SPOCK1: variants seen among roughly 807,000 people sequenced by gnomAD.
SPOCK1 encodes SPARC (osteonectin), cwcv and kazal like domains proteoglycan 1, also known as testican-1.
Under a neutral mutation model 55.3 loss-of-function variants are expected in SPOCK1, and 23 were observed. That is an observed-to-expected ratio of 0.42 (90% CI 0.30 to 0.59). The LOEUF (loss-of-function observed/expected upper bound fraction) is 0.59, where lower values mean the gene tolerates loss of function less well. Ranked by LOEUF, SPOCK1 falls within the 20% of genes least tolerant of loss-of-function variation. The pLI is 0.22. For missense variants in SPOCK1, 499 were observed against 552.5 expected (o/e 0.90, Z 0.97); for synonymous variants, 226 against 221.0 (o/e 1.02, Z -0.20).
At chr5:137,260,077 C>T (rs548427196) in intron 3 of SPOCK1, among the ~76,000 whole-genome samples, 4 of 152,318 alleles carry the variant, frequency 2.6e-5, no homozygotes, top group African/African-American at 9.6e-5. Context: ...CCAAGGACTT[C>T]AGCAACTATC....
chr5:137,053,296 A>C (rs1432644440), intron 6 of SPOCK1, among the ~76,000 whole-genome samples: 2 of 152,060 alleles, frequency 1.3e-5, no homozygotes, highest in Non-Finnish European at 2.9e-5. Context: ...CAATAAGGAA[A>C]GCCACCCAGA....
intron 5 of SPOCK1, among the ~76,000 whole-genome samples, chr5:137,070,262 A>G (rs1374502942): frequency 6.6e-6 from 1 of 152,246 alleles, no homozygotes; most frequent in Non-Finnish European, 1.5e-5. Context: ...GCCACAGCTA[A>G]CGCACAATGT....
intron 2 of SPOCK1, among the ~76,000 whole-genome samples, chr5:137,401,237 A>G (rs1214968610): frequency 1.3e-5 from 2 of 152,362 alleles, no homozygotes; most frequent in South Asian, 2.1e-4. Flanking sequence ...TAAGGAGTTT[A>G]TCTTTCCATC....
intron 3 of SPOCK1, among the ~76,000 whole-genome samples, chr5:137,223,097 A>G (rs1438792598): frequency 6.6e-6 from 1 of 152,152 alleles, no homozygotes; most frequent in Non-Finnish European, 1.5e-5. Flanking sequence ...ATAAACAAGT[A>G]TCCATGCTAT....
chr5:137,442,832 G>A (rs995212787), intron 2 of SPOCK1, among the ~76,000 whole-genome samples: 2 of 152,200 alleles, frequency 1.3e-5, no homozygotes, highest in Non-Finnish European at 2.9e-5. Flanking sequence ...AATTCACGGT[G>A]CAATTAAATT....
Position 137,238,330 on chromosome 5 carries a change from C to G in SPOCK1, c.232+28680G>C, listed in dbSNP as rs139607903. ...GCTGAAATTTGCACTCACATACACACTGCAGTCCTTGAAACCACTTGTTCC... is the reference window on the plus strand; with the variant it reads ...GCTGAAATTTGCACTCACATACACAGTGCAGTCCTTGAAACCACTTGTTCC... On this transcript the variant is annotated intron_variant, in intron 3 of 10. Coordinates refer to ENST00000394945, the MANE Select transcript of SPOCK1 (RefSeq NM_004598.4). 3.1e-3 allele frequency among the ~76,000 whole-genome samples: 476 copies of G among 152,360 alleles called. 5 individuals carry two copies. The highest frequency in any genetic ancestry group is 0.01 in the African/African-American group (436 of 41,584).
intron 6 of SPOCK1, among the ~76,000 whole-genome samples, chr5:137,026,141 A>G (rs1188380417): frequency 6.6e-6 from 1 of 152,258 alleles, no homozygotes; most frequent in Non-Finnish European, 1.5e-5. Flanking sequence ...TAGAGAAAGA[A>G]CCAGACAAAT....
At chr5:137,417,086 T>C (rs890607166) in intron 2 of SPOCK1, among the ~76,000 whole-genome samples, 4 of 152,162 alleles carry the variant, frequency 2.6e-5, no homozygotes, top group Admixed American at 1.3e-4. Context: ...TGAATGTTTA[T>C]ATGCACATGT....
In SPOCK1 at chr5:137,137,108, G is replaced by A. The variant is rs148930093; in HGVS notation, c.347+3472C>T. 2.4e-4 allele frequency among the ~76,000 whole-genome samples: 37 copies of A among 152,270 alleles called. No individual in the cohort carries two copies. The East Asian group carries it at 6.4e-3, about 26-fold the overall frequency. On this transcript the variant is annotated intron_variant, in intron 4 of 10. Coordinates refer to ENST00000394945, the MANE Select transcript of SPOCK1 (RefSeq NM_004598.4). ...AAGCTAATGAAATTCTCTCACTGAC[G>A]TGCTCACTGTCCTTCTGTCTTGATC...
At chr5:137,465,556 C>G (rs1753601770) in intron 2 of SPOCK1, among the ~76,000 whole-genome samples, 1 of 151,952 alleles carries the variant, frequency 6.6e-6, no homozygotes, top group Non-Finnish European at 1.5e-5. Context: ...ACTAGATACA[C>G]AGGCACATCT....
At chr5:137,203,710 C>T (rs565488053) in intron 3 of SPOCK1, among the ~76,000 whole-genome samples, 2 of 152,244 alleles carry the variant, frequency 1.3e-5, no homozygotes, top group South Asian at 4.2e-4. Flanking sequence ...AGTATCTCAC[C>T]AAGTCATCAA....
chr5:137,233,662 A>C (rs1014387396), intron 3 of SPOCK1, among the ~76,000 whole-genome samples: 1 of 148,254 alleles, frequency 6.7e-6, no homozygotes, highest in African/African-American at 2.5e-5. Flanking sequence ...GTAATTATAC[A>C]TGATATTAAC....
chr5:137,247,307 T>G (rs1756414814), intron 3 of SPOCK1, among the ~76,000 whole-genome samples: 1 of 151,790 alleles, frequency 6.6e-6, no homozygotes, highest in African/African-American at 2.4e-5. Context: ...GAGGAGCTCT[T>G]CCAGGTCACT....
At chr5:137,474,411 G>T (rs1561545270) in intron 2 of SPOCK1, among the ~76,000 whole-genome samples, 4 of 152,052 alleles carry the variant, frequency 2.6e-5, no homozygotes, top group Admixed American at 2.6e-4. Flanking sequence ...GAGTCTAATG[G>T]TATGGTGTTT....
chr5:137,478,906 C>A (rs1580949704), intron 2 of SPOCK1, among the ~76,000 whole-genome samples: 2 of 152,076 alleles, frequency 1.3e-5, no homozygotes, highest in East Asian at 3.9e-4. Flanking sequence ...ATAATTCTTA[C>A]CCAGAGAGCT....
intron 2 of SPOCK1, among the ~76,000 whole-genome samples, chr5:137,389,936 AC>A (rs1751680465): frequency 6.6e-6 from 1 of 151,492 alleles, no homozygotes; most frequent in South Asian, 2.1e-4. Flanking sequence ...CAGGGATACC[AC>A]CCCCGCCCCA....
At chr5:137,029,125 G>C (rs1212974750) in intron 6 of SPOCK1, among the ~76,000 whole-genome samples, 2 of 152,156 alleles carry the variant, frequency 1.3e-5, no homozygotes, top group Non-Finnish European at 2.9e-5. Context: ...ACTGGCCCAG[G>C]ATGTGAGTAT....
At chr5:136,999,637 A>G (rs1751110866) in intron 6 of SPOCK1, among the ~76,000 whole-genome samples, 1 of 152,212 alleles carries the variant, frequency 6.6e-6, no homozygotes, top group African/African-American at 2.4e-5. Context: ...AACGGGGAAG[A>G]AAAGGAAACA....
In SPOCK1 at chr5:137,315,144, G is replaced by C. The variant is rs151191042; in HGVS notation, c.187-48089C>G. Among the ~76,000 whole-genome samples, 235 of 152,304 alleles carry C rather than the reference G, an allele frequency of 1.5e-3. 2 individuals are homozygous for C. The highest frequency in any genetic ancestry group is 2.8e-3 in the Non-Finnish European group (190 of 68,032). ...TGGCAAAAGCTAGAACTAGAACTAT[G>C]TCAAGGAATAGTTTCACTGTCTTAG... On this transcript the variant is annotated intron_variant, in intron 2 of 10. Transcript: ENST00000394945.
Sources: gnomAD v4.1 joint callset for allele counts (sites outside exome capture counted in the v4.1 genomes callset) on GRCh38, gnomAD v4.1.1 for gene constraint, MANE v1.5 for transcripts, NCBI Gene and HGNC (gene_info 2026-07-23, HGNC 2026-07-21) for gene names.